KCNJ16: variants seen among roughly 807,000 people sequenced by gnomAD.
KCNJ16 encodes the protein inward rectifier potassium channel 16.
KCNJ16 carries 15 observed loss-of-function variants against 18.5 expected under a neutral mutation model. The observed-to-expected ratio is 0.81, with a 90% CI of 0.54 to 1.25. The LOEUF (loss-of-function observed/expected upper bound fraction) is 1.25, where lower values mean the gene tolerates loss of function less well. Ranked by LOEUF, KCNJ16 falls within the 50% of genes most tolerant of loss-of-function variation. The probability of loss-of-function intolerance (pLI) is 0.00; values close to 1 mark genes in which losing one functional copy is unlikely to be tolerated. For synonymous variants in KCNJ16, 174 were observed against 186.5 expected, an observed-to-expected ratio of 0.93 and a Z score of 0.55; for missense variants, 523 against 525.7, an observed-to-expected ratio of 0.99 and a Z score of 0.05.
At chr17:70,088,745 T>G (rs1195009612) in intron 1 of KCNJ16, among the ~76,000 whole-genome samples, 1 of 152,124 alleles carries the variant, frequency 6.6e-6, no homozygotes, top group African/African-American at 2.4e-5. Flanking sequence ...ATTTTTTTTT[T>G]TCTAACTAGG....
chr17:70,100,306 G>A (rs1174318064), intron 1 of KCNJ16, among the ~76,000 whole-genome samples: 2 of 152,076 alleles, frequency 1.3e-5, no homozygotes, highest in Admixed American at 6.5e-5. Context: ...TCAAATTACT[G>A]GATTAGTTTG....
At chr17:70,088,525 T>C (rs1173629172) in intron 1 of KCNJ16, among the ~76,000 whole-genome samples, 1 of 152,138 alleles carries the variant, frequency 6.6e-6, no homozygotes, top group Non-Finnish European at 1.5e-5. Context: ...GGCAATGAAA[T>C]TGAAACAACC....
chr17:70,101,642 C>T (rs1395226197), intron 2 of KCNJ16: 1 of 151,890 alleles, frequency 6.6e-6, no homozygotes, highest in Admixed American at 6.6e-5. Context: ...TGCAGTGGCA[C>T]CATCTCAGCT....
intron 1 of KCNJ16, among the ~76,000 whole-genome samples, chr17:70,090,079 C>T (rs1366035563): frequency 6.6e-6 from 1 of 152,184 alleles, no homozygotes; most frequent in Admixed American, 6.5e-5. Flanking sequence ...GATTTAATCA[C>T]TTACTTATCT....
In KCNJ16 at chr17:70,133,734, A is replaced by G. The variant is rs1386703614; in HGVS notation, c.*390A>G. 3 of 178,162 alleles carry G rather than the reference A, an allele frequency of 1.7e-5. No individual in the cohort carries two copies. Among genetic ancestry groups the G allele is most frequent in the African/African-American group, 7.2e-5 (3 of 41,696 alleles). 11.0% of individuals were successfully genotyped at this position (178,162 alleles called of 1,614,324 possible). A position where few individuals can be genotyped will look rare whatever the true frequency, so the allele number is the denominator to read the frequency against. On this transcript the variant is annotated 3_prime_UTR_variant, in exon 4 of 4. Coordinates refer to ENST00000392671, the MANE Select transcript of KCNJ16 (RefSeq NM_170741.4). ...ATAATACATTTTTAAACATGTCAAC[A>G]TTGATAATACAATGAAGATTTACCA...
At chr17:70,091,727 G>A (rs1314829674) in intron 1 of KCNJ16, among the ~76,000 whole-genome samples, 1 of 152,108 alleles carries the variant, frequency 6.6e-6, no homozygotes, top group African/African-American at 2.4e-5. Flanking sequence ...CCTAGGTAGG[G>A]CTTCATTAGA....
chr17:70,108,508 T>TA lies in KCNJ16; in HGVS notation c.-191+7742_-191+7743insA. On this transcript the variant is annotated intron_variant, in intron 2 of 3. Coordinates refer to ENST00000392671, the MANE Select transcript of KCNJ16 (RefSeq NM_170741.4). ...CATTTTGCATGTTGATATCTATAAATGACCACATCAACATATCTGCTTTAA... is the reference window on the plus strand; with the variant it reads ...CATTTTGCATGTTGATATCTATAAATAGACCACATCAACATATCTGCTTTAA... 7 of 152,294 alleles carry TA rather than the reference T, an allele frequency of 4.6e-5. No homozygotes were observed. In the South Asian group the frequency reaches 1.5e-3, roughly 32 times the overall value. 9.4% of individuals were successfully genotyped at this position (152,294 alleles called of 1,614,324 possible). A position where few individuals can be genotyped will look rare whatever the true frequency, so the allele number is the denominator to read the frequency against.
rs570192946 is a variant in KCNJ16 at position 70,117,161 on chromosome 17, C to T, written c.-190-13718C>T. Among the ~76,000 whole-genome samples the T allele has an allele frequency of 7.5e-4, 114 of 152,232 alleles. 2 individuals carry two copies. The highest frequency in any genetic ancestry group is 2.3e-3 in the African/African-American group (97 of 41,536). On this transcript the variant is annotated intron_variant, in intron 2 of 3. Coordinates refer to ENST00000392671, the MANE Select transcript of KCNJ16 (RefSeq NM_170741.4). ...ATAATGTCCTTTGCAGCAACATTTA[C>T]GTAGCTGAAGGCCATTATCCTAAGT...
At chr17:70,100,487 T>C (rs1322666426) in intron 1 of KCNJ16, among the ~76,000 whole-genome samples, 171 bp from the exon 2 acceptor site, 1 of 152,290 alleles carries the variant, frequency 6.6e-6, no homozygotes, top group African/African-American at 2.4e-5. Flanking sequence ...CCGAAAAACA[T>C]TACTCTCACT....
intron 1 of KCNJ16, among the ~76,000 whole-genome samples, chr17:70,089,351 A>T (rs2071980198): frequency 6.6e-6 from 1 of 152,194 alleles, no homozygotes; most frequent in Non-Finnish European, 1.5e-5. Flanking sequence ...TTTTAAATTA[A>T]TTTAAGAGTC....
chr17:70,120,687 G>T (rs1265698449), intron 2 of KCNJ16, among the ~76,000 whole-genome samples: 1 of 152,108 alleles, frequency 6.6e-6, no homozygotes, highest in Non-Finnish European at 1.5e-5. Flanking sequence ...TATATGACCA[G>T]ACCTTGCAAG....
chr17:70,082,979 T>G (rs1034593002), intron 1 of KCNJ16, among the ~76,000 whole-genome samples: 7 of 152,044 alleles, frequency 4.6e-5, no homozygotes, highest in African/African-American at 1.7e-4. Context: ...CCTCATTCAT[T>G]TACACGTTCC....
chr17:70,117,311 C>T (rs200063263), intron 2 of KCNJ16, among the ~76,000 whole-genome samples: 89 of 152,166 alleles, frequency 5.8e-4, no homozygotes, highest in Admixed American at 1.6e-3. Context: ...GAAGGGAGAG[C>T]GGGCAGGGCT....
At chr17:70,117,935 A>G (rs2073477547) in intron 2 of KCNJ16, among the ~76,000 whole-genome samples, 2 of 152,228 alleles carry the variant, frequency 1.3e-5, no homozygotes, top group African/African-American at 4.8e-5. Context: ...AGAAACTAGG[A>G]TAATATTTAA....
At chr17:70,110,491 C>T (rs976370882) in intron 2 of KCNJ16, among the ~76,000 whole-genome samples, 1 of 152,068 alleles carries the variant, frequency 6.6e-6, no homozygotes, top group African/African-American at 2.4e-5. Flanking sequence ...CGCACACACA[C>T]ACACACACAC....
intron 1 of KCNJ16, among the ~76,000 whole-genome samples, chr17:70,087,796 T>G (rs911820933): frequency 6.6e-6 from 1 of 151,940 alleles, no homozygotes; most frequent in South Asian, 2.1e-4. Context: ...GTTATTTTCA[T>G]GAGGAATCAA....
At chr17:70,093,852 T>G (rs1376009303) in intron 1 of KCNJ16, among the ~76,000 whole-genome samples, 2 of 152,098 alleles carry the variant, frequency 1.3e-5, no homozygotes, top group Non-Finnish European at 2.9e-5. Flanking sequence ...CCAATTATTC[T>G]GTAATTTGCC....
chr17:70,087,826 T>A (rs1233567073), intron 1 of KCNJ16, among the ~76,000 whole-genome samples: 1 of 151,898 alleles, frequency 6.6e-6, no homozygotes, highest in Admixed American at 6.6e-5. Context: ...GTACCAACAA[T>A]GAATAAAACA....
intron 2 of KCNJ16, among the ~76,000 whole-genome samples, chr17:70,113,493 G>A (rs1450089612): frequency 6.6e-6 from 1 of 152,128 alleles, no homozygotes; most frequent in Non-Finnish European, 1.5e-5. Flanking sequence ...TGTGTCCATA[G>A]TTTTTTCCAG....
Sources: allele counts gnomAD v4.1 joint callset (sites outside exome capture counted in the v4.1 genomes callset), GRCh38; gene constraint gnomAD v4.1.1; transcripts MANE v1.5; gene names NCBI Gene and HGNC (gene_info 2026-07-23, HGNC 2026-07-21).